The following PACRGL variants were observed in gnomAD, a reference collection of about 807,000 sequenced individuals.
PACRGL encodes the protein PACRG-like protein.
In PACRGL, 38 loss-of-function variants were observed where a neutral mutation model predicts 34.5. The observed-to-expected ratio is 1.10, with a 90% CI of 0.85 to 1.44. PACRGL has a LOEUF of 1.44. PACRGL is among the 40% of genes most tolerant of loss of function. PACRGL has a pLI of 0.00. For missense variants in PACRGL, 305 were observed against 281.4 expected (o/e 1.08, Z -0.60); for synonymous variants, 128 against 100.1 (o/e 1.28, Z -1.66).
downstream of PACRGL, among the ~76,000 whole-genome samples, chr4:20,736,600 C>CTAA (rs1051453025): frequency 5.8e-4 from 88 of 151,804 alleles, no homozygotes; most frequent in African/African-American, 1.8e-3. Flanking sequence ...ATTATATGGC[C>CTAA]TAATATATAT....
chr4:20,753,943 CTG>C (rs1239782774), downstream of PACRGL, among the ~76,000 whole-genome samples: 1 of 145,670 alleles, frequency 6.9e-6, no homozygotes, highest in Non-Finnish European at 1.5e-5. Context: ...CATTCAACAA[CTG>C]TTTATTATAT....
intron 7 of PACRGL, among the ~76,000 whole-genome samples, chr4:20,719,552 AG>A (rs1741968529): frequency 6.6e-6 from 1 of 152,238 alleles, no homozygotes; most frequent in Admixed American, 6.5e-5. Context: ...TTGGTTTCAA[AG>A]AACATCTTTA....
chr4:20,710,059 G>A (rs62410105), intron 5 of PACRGL, among the ~76,000 whole-genome samples: 3,032 of 152,284 alleles, frequency 0.02, 46 homozygotes, highest in Middle Eastern at 0.031. Flanking sequence ...GACTCATAAT[G>A]AGGAGAGATT....
chr4:20,760,592 C>T, the PACRGL span, among the ~76,000 whole-genome samples: 51 of 152,204 alleles, frequency 3.4e-4, no homozygotes, highest in East Asian at 5.2e-3. Context: ...CAGAGCTTCT[C>T]GATATGGTTT....
At chr4:20,719,301 T>G (rs1262473305) in intron 7 of PACRGL, among the ~76,000 whole-genome samples, 3 of 152,234 alleles carry the variant, frequency 2.0e-5, no homozygotes, top group African/African-American at 7.2e-5. Context: ...ATTGATTTTT[T>G]GAAGGGTGTT....
chr4:20,729,483 T>C lies in PACRGL; in HGVS notation c.*2142T>C, dbSNP rs1279451030. On this transcript the variant is annotated 3_prime_UTR_variant, in exon 9 of 9. Transcript: ENST00000503585. ...ATCTGATAATAAACTAATTTTTAAA[T>C]GTTTAATAATTTTTAAATGTTTAAA... 8.4e-6 allele frequency: 1 copy of C among 119,188 alleles called. No homozygotes were observed. The highest frequency in any genetic ancestry group is 1.8e-5 in the Non-Finnish European group (1 of 56,906). The allele number at this position is 119,188 out of a possible 1,614,324, so 7.4% of individuals were successfully genotyped here. A position where few individuals can be genotyped will look rare whatever the true frequency, so the allele number is the denominator to read the frequency against.
chr4:20,724,980 A>C, intron 8 of PACRGL, 92 bp downstream of exon 8: 373 of 664,182 alleles, frequency 5.6e-4, no homozygotes, highest in East Asian at 8.8e-4. Flanking sequence ...ATACTATCTC[A>C]TTTCAGCCAC....
intron 3 of PACRGL, among the ~76,000 whole-genome samples, chr4:20,705,768 A>G (rs956917999): frequency 1.3e-5 from 2 of 151,726 alleles, no homozygotes; most frequent in African/African-American, 2.4e-5. Flanking sequence ...AGTTTTGGGA[A>G]ATAGTTAAAT....
At chr4:20,761,067 G>T in the PACRGL span, among the ~76,000 whole-genome samples, 1 of 152,122 alleles carries the variant, frequency 6.6e-6, no homozygotes, top group African/African-American at 2.4e-5. Flanking sequence ...ATGTGAGGGG[G>T]CCTCATTGAA....
At chr4:20,701,173 T>C (rs1732004152) in intron 1 of PACRGL, among the ~76,000 whole-genome samples, 1 of 152,196 alleles carries the variant, frequency 6.6e-6, no homozygotes, top group Non-Finnish European at 1.5e-5. Context: ...AGAATTGTTT[T>C]AGTTCAGTGG....
intron 7 of PACRGL, chr4:20,718,963 A>C (rs1741569453): frequency 6.6e-6 from 1 of 152,028 alleles, no homozygotes; most frequent in Non-Finnish European, 1.5e-5. Flanking sequence ...CTGGTCCTGG[A>C]CTTTTTTTGG....
At chr4:20,718,917 C>G (rs923465569) in intron 7 of PACRGL, 2 of 152,192 alleles carry the variant, frequency 1.3e-5, no homozygotes, top group African/African-American at 4.8e-5. Flanking sequence ...ACAAGCTCCT[C>G]CTTGTACCTC....
chr4:20,720,144 T>G (rs1335938951), intron 7 of PACRGL, among the ~76,000 whole-genome samples: 2 of 152,204 alleles, frequency 1.3e-5, no homozygotes, highest in Admixed American at 6.5e-5. Flanking sequence ...GAGACTAGGA[T>G]TGCAACTTCT....
At chr4:20,702,770 G>A (rs921458952) in intron 1 of PACRGL, 3 of 152,054 alleles carry the variant, frequency 2.0e-5, no homozygotes, top group African/African-American at 7.3e-5. Context: ...GCTTCTCTCA[G>A]CTTATTTTAG....
Position 20,728,465 on chromosome 4 carries a change from A to T in PACRGL, c.*1124A>T, listed in dbSNP as rs1172480314. The T allele has an allele frequency of 6.6e-6, 1 of 152,236 alleles. No homozygotes were observed. Among genetic ancestry groups the T allele is most frequent in the African/African-American group, 2.4e-5 (1 of 41,458 alleles). 9.4% of individuals were successfully genotyped at this position (152,236 alleles called of 1,614,324 possible). ...GTAATAGAAGCAATTCCCTCTGGCT[A>T]CAACAGCTGCCTGCCTGCTGGCCTT... On this transcript the variant is annotated 3_prime_UTR_variant, in exon 9 of 9. Transcript: ENST00000503585.
At chr4:20,711,487 C>T (rs1376571578) in intron 5 of PACRGL, among the ~76,000 whole-genome samples, 13 of 152,108 alleles carry the variant, frequency 8.5e-5, no homozygotes, top group African/African-American at 2.4e-4. Flanking sequence ...TCCAAAATGA[C>T]GCCCATGTGC....
At chr4:20,712,591 T>A (rs1737822593) in intron 5 of PACRGL, 197 bp from the exon 6 acceptor site, 5 of 429,956 alleles carry the variant, frequency 1.2e-5, no homozygotes, top group Non-Finnish European at 1.9e-5. Flanking sequence ...GGAACCAGTT[T>A]CCCTTGGGAT....
Position 20,730,622 on chromosome 4 carries a change from ATC to A in PACRGL, c.*3287_*3288del, listed in dbSNP as rs1241278586. Among the ~76,000 whole-genome samples the A allele has an allele frequency of 3.9e-5, 6 of 152,152 alleles. No individual in the cohort carries two copies. Among genetic ancestry groups the A allele is most frequent in the Non-Finnish European group, 7.3e-5 (5 of 68,030 alleles). On this transcript the variant is annotated 3_prime_UTR_variant, in exon 9 of 9. Coordinates refer to ENST00000503585, the MANE Select transcript of PACRGL (RefSeq NM_001258345.3). ...AAGAGGTAACATGTTTGCAGTAATC[ATC>A]TCTCTTTCTGTCTGCTAGTTATGGC...
At chr4:20,718,079 T>A (rs1741035391) in intron 7 of PACRGL, among the ~76,000 whole-genome samples, 1 of 152,172 alleles carries the variant, frequency 6.6e-6, no homozygotes, top group African/African-American at 2.4e-5. Context: ...TCCTAGGTAT[T>A]TTATTCTCTT....
Sources: allele counts gnomAD v4.1 joint callset (sites outside exome capture counted in the v4.1 genomes callset), GRCh38; gene constraint gnomAD v4.1.1; transcripts MANE v1.5; gene names NCBI Gene and HGNC (gene_info 2026-07-23, HGNC 2026-07-21).